NPHP4: variants seen among roughly 807,000 people sequenced by gnomAD.
NPHP4 encodes nephrocystin-4.
NPHP4 carries 151 observed loss-of-function variants against 155.8 expected under a neutral mutation model. That is an observed-to-expected ratio of 0.97 (90% CI 0.85 to 1.11). The LOEUF (loss-of-function observed/expected upper bound fraction) is 1.11, where lower values mean the gene tolerates loss of function less well. Ranked by LOEUF, NPHP4 falls within the 50% of genes least tolerant of loss-of-function variation. The pLI, the probability that NPHP4 is intolerant of heterozygous loss-of-function variation, is 0.00. For synonymous variants in NPHP4, 845 were observed against 816.8 expected, an observed-to-expected ratio of 1.03 and a Z score of -0.59; for missense variants, 1,956 against 1,925.7, an observed-to-expected ratio of 1.02 and a Z score of -0.29.
intron 5 of NPHP4, among the ~76,000 whole-genome samples, chr1:5,963,445 C>T (rs1046186836): frequency 6.6e-6 from 1 of 151,872 alleles, no homozygotes; most frequent in Non-Finnish European, 1.5e-5. Context: ...AGTACCTAAC[C>T]ACTTCAAACA....
intron 5 of NPHP4, among the ~76,000 whole-genome samples, chr1:5,964,063 A>C (rs750696509): frequency 1.1e-4 from 17 of 152,290 alleles, no homozygotes; most frequent in East Asian, 9.6e-4. Context: ...CAATTCCACG[A>C]AACACCACAG....
At chr1:5,979,651 T>G (rs1654322021) in intron 2 of NPHP4, among the ~76,000 whole-genome samples, 2 of 152,062 alleles carry the variant, frequency 1.3e-5, no homozygotes, top group African/African-American at 4.8e-5. Context: ...TCCTGTCAAG[T>G]AGCTGGGACC....
chr1:5,937,204 T>A (rs1646587731), intron 9 of NPHP4, among the ~76,000 whole-genome samples: 1 of 151,836 alleles, frequency 6.6e-6, no homozygotes, highest in Non-Finnish European at 1.5e-5. Flanking sequence ...ACACCAGGGG[T>A]TTCCTGGGGA....
At chr1:5,923,478 G>T (rs1186225494) in intron 11 of NPHP4, among the ~76,000 whole-genome samples, 1 of 152,182 alleles carries the variant, frequency 6.6e-6, no homozygotes, top group Non-Finnish European at 1.5e-5. Flanking sequence ...GCCATTTACA[G>T]AGGGTCCCAC....
At position 5,948,171 on chromosome 1, in the gene NPHP4, GA is replaced by G. The variant is rs762102330; in HGVS notation, c.890del (p.Phe297SerfsTer18). On this transcript the variant is annotated frameshift_variant, in exon 8 of 30. Transcript: ENST00000378156. LOFTEE classifies it high-confidence loss of function. Reference sequence around the variant, plus strand: ...GTACAACGACCTGCGGCCTCTGCACGAAGCCCAGACCATTGTGCACGCCCAC... The same window carrying G: ...GTACAACGACCTGCGGCCTCTGCACGAGCCCAGACCATTGTGCACGCCCAC... ...LRVGVHNGLG[F>X]VQRPQVVVLV... The G allele has an allele frequency of 2.5e-5, 40 of 1,612,792 alleles. No individual in the cohort carries two copies. The highest frequency in any genetic ancestry group is 3.4e-5 in the Non-Finnish European group (40 of 1,179,672).
chr1:5,936,384 G>A (rs12058794), intron 9 of NPHP4, among the ~76,000 whole-genome samples: 4,406 of 152,266 alleles, frequency 0.029, 193 homozygotes, highest in African/African-American at 0.097. Flanking sequence ...GCTCTGCAGA[G>A]AAGGCCAAGC....
intron 11 of NPHP4, among the ~76,000 whole-genome samples, chr1:5,926,083 G>A (rs554760033): frequency 6.6e-6 from 1 of 152,108 alleles, no homozygotes; most frequent in Non-Finnish European, 1.5e-5. Flanking sequence ...CCACCACAAG[G>A]GATTCTAGTA....
intron 9 of NPHP4, among the ~76,000 whole-genome samples, chr1:5,938,106 G>A (rs1173897040): frequency 6.6e-6 from 1 of 152,226 alleles, no homozygotes; most frequent in Non-Finnish European, 1.5e-5. Context: ...ATCCTTGGAG[G>A]TGGAGCCTGG....
chr1:5,865,363 A>G (rs912444694), intron 26 of NPHP4, 90 bp from the exon 27 acceptor site: 2 of 1,212,028 alleles, frequency 1.7e-6, no homozygotes, highest in Non-Finnish European at 2.2e-6. Context: ...GAGCGTGGGC[A>G]GACAGGAGGC....
At chr1:5,906,074 T>C (rs1410015924) in intron 13 of NPHP4, among the ~76,000 whole-genome samples, 1 of 152,166 alleles carries the variant, frequency 6.6e-6, no homozygotes, top group East Asian at 1.9e-4. Flanking sequence ...ATCCAATGTG[T>C]GAGTTGAGAA....
At chr1:5,947,992 T>C in intron 8 of NPHP4, 78 bp downstream of exon 8, 2 of 1,152,462 alleles carry the variant, frequency 1.7e-6, no homozygotes, top group Non-Finnish European at 1.3e-6. Flanking sequence ...AGTCAACACC[T>C]GACATGCACA....
At chr1:5,927,206 T>C (rs1304483240) in intron 11 of NPHP4, among the ~76,000 whole-genome samples, 1 of 152,232 alleles carries the variant, frequency 6.6e-6, no homozygotes, top group Non-Finnish European at 1.5e-5. Context: ...TAGCCAATTG[T>C]GACTCCTTTT....
chr1:5,953,071 T>A (rs1274466749), intron 6 of NPHP4, among the ~76,000 whole-genome samples: 2 of 148,198 alleles, frequency 1.3e-5, no homozygotes, highest in East Asian at 4.0e-4. Flanking sequence ...GTTTTTCTGT[T>A]GTTTTGTTTT....
intron 1 of NPHP4, among the ~76,000 whole-genome samples, chr1:5,989,734 T>G (rs1396313096): frequency 6.6e-6 from 1 of 152,212 alleles, no homozygotes; most frequent in Non-Finnish European, 1.5e-5. Flanking sequence ...CCCATGCTCC[T>G]CACCTGCCCC....
intron 11 of NPHP4, among the ~76,000 whole-genome samples, chr1:5,911,081 T>G (rs1349611824): frequency 6.6e-6 from 1 of 152,234 alleles, no homozygotes; most frequent in Non-Finnish European, 1.5e-5. Flanking sequence ...TGAGCTCACG[T>G]GCTCGGAGGG....
chr1:5,978,507 G>A (rs898893425), intron 2 of NPHP4, 94 bp from the exon 3 acceptor site: 13 of 1,199,854 alleles, frequency 1.1e-5, no homozygotes, highest in East Asian at 1.0e-4. Flanking sequence ...GGGCCACCTC[G>A]CTCAGATATC....
intron 6 of NPHP4, among the ~76,000 whole-genome samples, chr1:5,957,160 T>A (rs1415661814): frequency 6.6e-6 from 1 of 152,210 alleles, no homozygotes; most frequent in Non-Finnish European, 1.5e-5. Flanking sequence ...AATTTATCTG[T>A]TGCCAAGTCT....
chr1:5,902,397 C>G (rs1368049137), intron 16 of NPHP4, among the ~76,000 whole-genome samples: 1 of 152,206 alleles, frequency 6.6e-6, no homozygotes, highest in Non-Finnish European at 1.5e-5. Flanking sequence ...TCAGACCAAC[C>G]AAGTCCTACA....
intron 16 of NPHP4, 107 bp from the exon 17 acceptor site, chr1:5,891,135 T>C (rs1329525660): frequency 1.4e-6 from 1 of 700,034 alleles, no homozygotes; most frequent in Non-Finnish European, 2.2e-6. Context: ...TCTGCTTCTG[T>C]CATAGCTACA....
Sources: allele counts gnomAD v4.1 joint callset (sites outside exome capture counted in the v4.1 genomes callset), GRCh38; gene constraint gnomAD v4.1.1; transcripts MANE v1.5; gene names NCBI Gene and HGNC (gene_info 2026-07-23, HGNC 2026-07-21).